The following GPHN variants were observed in gnomAD, a reference collection of about 807,000 sequenced individuals.
GPHN encodes the protein gephyrin.
A neutral mutation model predicts 95.5 loss-of-function variants in GPHN; 17 were observed. That is an observed-to-expected ratio of 0.18 (90% CI 0.12 to 0.27). The LOEUF is 0.27. Among genes scored for constraint, GPHN ranks in the 10% least tolerant of loss-of-function variants. GPHN has a pLI of 1.00. For synonymous variants in GPHN, 320 were observed against 322.5 expected, an observed-to-expected ratio of 0.99 and a Z score of 0.08; for missense variants, 660 against 978.1, an observed-to-expected ratio of 0.67 and a Z score of 4.34.
chr14:67,551,916 A>T, the GPHN span, among the ~76,000 whole-genome samples: 1 of 152,056 alleles, frequency 6.6e-6, no homozygotes, highest in East Asian at 1.9e-4. Flanking sequence ...CAAAGGGATC[A>T]TTGAGACCCG....
the GPHN span, among the ~76,000 whole-genome samples, chr14:67,244,708 A>C: frequency 6.6e-6 from 1 of 152,140 alleles, no homozygotes; most frequent in African/African-American, 2.4e-5. Context: ...TGTTTCTCTT[A>C]AGTAGATGGA....
the GPHN span, chr14:67,662,971 GA>G: frequency 7.4e-7 from 1 of 1,343,602 alleles, no homozygotes; most frequent in African/African-American, 1.5e-5. Context: ...CTCCCACAGT[GA>G]ACCACTTCTA....
intron 2 of GPHN, among the ~76,000 whole-genome samples, chr14:66,749,701 T>C (rs1178639118): frequency 6.6e-6 from 1 of 152,014 alleles, no homozygotes; most frequent in Non-Finnish European, 1.5e-5. Flanking sequence ...GTTCATTTTC[T>C]TATTGTTGAG....
At chr14:66,766,008 G>A (rs928448945) in intron 2 of GPHN, among the ~76,000 whole-genome samples, 2 of 152,104 alleles carry the variant, frequency 1.3e-5, no homozygotes, top group Admixed American at 1.3e-4. Context: ...AGGAATTGGA[G>A]AACAACCAGT....
chr14:67,305,577 A>G, the GPHN span, among the ~76,000 whole-genome samples: 5 of 152,188 alleles, frequency 3.3e-5, no homozygotes, highest in African/African-American at 1.2e-4. Flanking sequence ...CACAATGCCC[A>G]GCCAAGACAT....
chr14:66,871,961 G>T (rs757653847), intron 4 of GPHN, among the ~76,000 whole-genome samples: 14 of 152,032 alleles, frequency 9.2e-5, no homozygotes, highest in Non-Finnish European at 2.1e-4. Context: ...ATTTAAATAC[G>T]TAAAAAAAGA....
At chr14:67,335,501 G>A in the GPHN span, 2 of 152,546 alleles carry the variant, frequency 1.3e-5, no homozygotes, top group African/African-American at 2.4e-5. Flanking sequence ...TCAAATTTTC[G>A]TTGTCAGAAC....
chr14:67,064,556 C>T (rs1308255495), intron 11 of GPHN, among the ~76,000 whole-genome samples: 1 of 152,174 alleles, frequency 6.6e-6, no homozygotes, highest in Non-Finnish European at 1.5e-5. Context: ...GTGAATCCAT[C>T]TGGTCCTGGA....
chr14:66,612,104 C>T lies in GPHN; in HGVS notation c.65-69003C>T, dbSNP rs529904170. ...ATATGTGTATTTATCATTTTCTTTA[C>T]ATTGTTTTATTTCTCTGAAATGGCC... On this transcript the variant is annotated intron_variant, in intron 1 of 22. Coordinates refer to ENST00000478722, the MANE Select transcript of GPHN (RefSeq NM_020806.5). Among the ~76,000 whole-genome samples, 5 of 152,070 alleles carry T rather than the reference C, an allele frequency of 3.3e-5. No individual in the cohort carries two copies. The South Asian group carries it at 1.0e-3, about 32-fold the overall frequency.
chr14:67,352,901 T>C, the GPHN span: 10 of 1,527,442 alleles, frequency 6.5e-6, no homozygotes, highest in African/African-American at 4.1e-5. Context: ...ATAAATACTA[T>C]TCTAAGAAAA....
At chr14:67,537,102 T>C in the GPHN span, among the ~76,000 whole-genome samples, 5 of 149,586 alleles carry the variant, frequency 3.3e-5, no homozygotes, top group African/African-American at 1.0e-4. Flanking sequence ...CAACACACTT[T>C]AGAAGAATGA....
At chr14:67,449,057 C>T in the GPHN span, among the ~76,000 whole-genome samples, 1 of 152,150 alleles carries the variant, frequency 6.6e-6, no homozygotes, top group Non-Finnish European at 1.5e-5. Flanking sequence ...TGATAGCCAA[C>T]CAGGAAGGGC....
chr14:67,577,309 G>C, the GPHN span: 1 of 1,564,954 alleles, frequency 6.4e-7, no homozygotes, highest in South Asian at 1.2e-5. Context: ...CAGATTCGCC[G>C]CTCTGGAGGC....
the GPHN span, chr14:67,292,700 C>A: frequency 6.2e-7 from 1 of 1,613,440 alleles, no homozygotes; most frequent in Non-Finnish European, 8.5e-7. Context: ...ATCTCCAACG[C>A]ACAAGATCTT....
chr14:66,634,876 G>A (rs2064015561), intron 1 of GPHN, among the ~76,000 whole-genome samples: 1 of 152,160 alleles, frequency 6.6e-6, no homozygotes, highest in Admixed American at 6.5e-5. Context: ...TATTAGACAT[G>A]TACCCCATTT....
At chr14:67,525,245 T>C in the GPHN span, among the ~76,000 whole-genome samples, 3 of 152,208 alleles carry the variant, frequency 2.0e-5, no homozygotes, top group Admixed American at 2.0e-4. Flanking sequence ...TACATATAGT[T>C]ATATGTATAC....
At chr14:66,837,778 A>G (rs965872207) in intron 4 of GPHN, among the ~76,000 whole-genome samples, 2 of 151,860 alleles carry the variant, frequency 1.3e-5, no homozygotes, top group Admixed American at 6.6e-5. Context: ...AAAATTTCCT[A>G]TATGAAGAAC....
the GPHN span, among the ~76,000 whole-genome samples, chr14:67,280,853 T>TTCTTTCCC: frequency 2.6e-4 from 20 of 77,580 alleles, no homozygotes; most frequent in African/African-American, 1.5e-3. Context: ...CCTTCCTTCC[T>TTCTTTCCC]TCCCTCCCTC....
At chr14:66,679,051 A>C (rs529150935) in intron 1 of GPHN, among the ~76,000 whole-genome samples, 1 of 152,298 alleles carries the variant, frequency 6.6e-6, no homozygotes, top group Non-Finnish European at 1.5e-5. Context: ...ACTGGAGTTC[A>C]TGAGGTCATC....
Sources: gnomAD v4.1 joint callset for allele counts (sites outside exome capture counted in the v4.1 genomes callset) on GRCh38, gnomAD v4.1.1 for gene constraint, MANE v1.5 for transcripts, NCBI Gene and HGNC (gene_info 2026-07-23, HGNC 2026-07-21) for gene names.